HGD: variants seen among roughly 807,000 people sequenced by gnomAD.
HGD encodes homogentisate oxidase.
A neutral mutation model predicts 60.8 loss-of-function variants in HGD; 61 were observed. The observed-to-expected ratio is 1.00, with a 90% CI of 0.82 to 1.24. The LOEUF (loss-of-function observed/expected upper bound fraction) is 1.24. Ranked by LOEUF, HGD falls within the 50% of genes most tolerant of loss-of-function variation. HGD has a pLI of 0.00. For missense variants in HGD, 542 were observed against 547.1 expected (o/e 0.99, Z 0.09); for synonymous variants, 212 against 187.7 (o/e 1.13, Z -1.06).
chr3:120,672,358 C>T (rs4676816), intron 3 of HGD, among the ~76,000 whole-genome samples: 61,976 of 151,938 alleles, frequency 0.41, 13,164 homozygotes, highest in African/African-American at 0.52. Flanking sequence ...CTTCCAGAAG[C>T]TGGAAGGGAC....
intron 1 of HGD, among the ~76,000 whole-genome samples, chr3:120,677,746 T>C (rs1708158422): frequency 1.3e-5 from 2 of 152,238 alleles, no homozygotes; most frequent in African/African-American, 4.8e-5. Context: ...AAATCCCTAA[T>C]ACAAACTTGC....
At chr3:120,674,208 A>T (rs1490149923) in intron 3 of HGD, among the ~76,000 whole-genome samples, 1 of 152,168 alleles carries the variant, frequency 6.6e-6, no homozygotes, top group East Asian at 1.9e-4. Flanking sequence ...ATAATTAGAC[A>T]CTATTTGTTT....
chr3:120,630,825 T>TATATATATACAC (rs1491569082), intron 13 of HGD, among the ~76,000 whole-genome samples: 53 of 104,116 alleles, frequency 5.1e-4, no homozygotes, highest in African/African-American at 9.7e-4. Context: ...TATATATATA[T>TATATATATACAC]ACACATACAC....
chr3:120,653,561 G>C (rs1308343380), intron 4 of HGD, among the ~76,000 whole-genome samples: 1 of 152,190 alleles, frequency 6.6e-6, no homozygotes, highest in Non-Finnish European at 1.5e-5. Context: ...AAGTGGAAAA[G>C]GCAGCCTTGG....
At chr3:120,664,426 C>CTT (rs71133513) in intron 4 of HGD, among the ~76,000 whole-genome samples, 45,119 of 118,650 alleles carry the variant, frequency 0.38, 10,123 homozygotes, top group Non-Finnish European at 0.5. Flanking sequence ...TTTTTTCTTC[C>CTT]TTTTTTTTTT....
At chr3:120,652,769 T>C in intron 4 of HGD, 118 bp from the exon 5 acceptor site, 1 of 698,490 alleles carries the variant, frequency 1.4e-6, no homozygotes, top group Non-Finnish European at 2.5e-6. Context: ...TGTGAGGCTC[T>C]ACTTGTGATT....
At chr3:120,645,839 A>C (rs1184962159) in intron 9 of HGD, among the ~76,000 whole-genome samples, 2 of 152,196 alleles carry the variant, frequency 1.3e-5, no homozygotes, top group Non-Finnish European at 2.9e-5. Context: ...TCCTAATCAC[A>C]AAGCTTATTC....
At chr3:120,659,048 A>T (rs1941582204) in intron 4 of HGD, among the ~76,000 whole-genome samples, 1 of 152,208 alleles carries the variant, frequency 6.6e-6, no homozygotes. Flanking sequence ...GGTCTGTGAA[A>T]TGCCTTTGAG....
chr3:120,644,576 C>G, intron 9 of HGD, 133 bp from the exon 10 acceptor site: 4 of 1,552,472 alleles, frequency 2.6e-6, no homozygotes, highest in Non-Finnish European at 3.5e-6. Flanking sequence ...CTCAAAGATT[C>G]ACTGCATTTC....
intron 4 of HGD, among the ~76,000 whole-genome samples, chr3:120,667,385 T>C (rs968815553): frequency 4.0e-5 from 6 of 150,212 alleles, no homozygotes; most frequent in Non-Finnish European, 7.4e-5. Flanking sequence ...AGAACAAGAT[T>C]GTCTTCCATG....
At chr3:120,632,727 G>A (rs2107488690) in intron 13 of HGD, among the ~76,000 whole-genome samples, 1 of 152,316 alleles carries the variant, frequency 6.6e-6, no homozygotes, top group Middle Eastern at 3.4e-3. Context: ...AAGGATACAG[G>A]AAGAGGCTTC....
At chr3:120,639,488 G>A (rs1004248711) in intron 11 of HGD, among the ~76,000 whole-genome samples, 1 of 152,130 alleles carries the variant, frequency 6.6e-6, no homozygotes, top group African/African-American at 2.4e-5. Context: ...ATTAACACCA[G>A]CTAAAAGGAT....
chr3:120,669,857 A>G (rs1044141105), intron 4 of HGD, among the ~76,000 whole-genome samples: 3 of 152,184 alleles, frequency 2.0e-5, no homozygotes, highest in African/African-American at 7.2e-5. Context: ...TTTTTCTTTT[A>G]ACAATATGTA....
At chr3:120,673,516 AG>A (rs1708065871) in intron 3 of HGD, among the ~76,000 whole-genome samples, 3 of 152,196 alleles carry the variant, frequency 2.0e-5, no homozygotes, top group Non-Finnish European at 4.4e-5. Flanking sequence ...ACAGAGAGAG[AG>A]AGAGAGATGA....
intron 4 of HGD, 121 bp downstream of exon 4, chr3:120,670,305 AT>A: frequency 1.4e-6 from 1 of 713,844 alleles, no homozygotes; most frequent in East Asian, 2.7e-5. Context: ...ACACTTTAGC[AT>A]TTATTAAAAT....
At position 120,647,918 on chromosome 3, in the gene HGD, CAT is replaced by C; in HGVS notation, c.435-9_435-8del. On this transcript the variant is annotated splice_region_variant and splice_polypyrimidine_tract_variant and intron_variant, in intron 6 of 13. Coordinates refer to ENST00000283871, the MANE Select transcript of HGD (RefSeq NM_000187.4). ...ATCTGAATTGTAAAAGCATCTGAAA[CAT>C]ATAGAGTAATTCTTGTGATTTTCAG... 1 of 1,605,378 alleles carries C rather than the reference CAT, an allele frequency of 6.2e-7. No homozygotes were observed. The highest frequency in any genetic ancestry group is 1.3e-5 in the African/African-American group (1 of 74,840).
At chr3:120,644,250 G>C in intron 10 of HGD, 69 bp downstream of exon 10, 1 of 1,585,194 alleles carries the variant, frequency 6.3e-7, no homozygotes, top group Non-Finnish European at 8.6e-7. Context: ...TGTAACACTC[G>C]CCTTGGCAAT....
chr3:120,675,068 GGA>G, intron 2 of HGD, 79 bp from the exon 3 acceptor site: 1 of 931,774 alleles, frequency 1.1e-6, no homozygotes, highest in Non-Finnish European at 1.8e-6. Context: ...CTCAGTAGGG[GGA>G]TGGGGATGCT....
intron 4 of HGD, among the ~76,000 whole-genome samples, chr3:120,654,169 T>C (rs1453689116): frequency 2.0e-5 from 3 of 152,116 alleles, no homozygotes; most frequent in East Asian, 1.9e-4. Flanking sequence ...AGGAAGACAA[T>C]ACTACCTAGA....
Sources: gnomAD v4.1 joint callset for allele counts (sites outside exome capture counted in the v4.1 genomes callset) on GRCh38, gnomAD v4.1.1 for gene constraint, MANE v1.5 for transcripts, NCBI Gene and HGNC (gene_info 2026-07-23, HGNC 2026-07-21) for gene names.